Variants in CAMTA1 observed in about 807,000 individuals in gnomAD.
CAMTA1 encodes the protein calmodulin-binding transcription activator 1.
Under a neutral mutation model 170.9 loss-of-function variants are expected in CAMTA1, and 27 were observed. The observed-to-expected ratio is 0.16, with a 90% CI of 0.12 to 0.22. The LOEUF (loss-of-function observed/expected upper bound fraction) is 0.22. Ranked by LOEUF, CAMTA1 falls within the 10% of genes least tolerant of loss-of-function variation. The pLI is 1.00. For missense variants in CAMTA1, 1,619 were observed against 2,217.2 expected (o/e 0.73, Z 5.42); for synonymous variants, 833 against 891.5 (o/e 0.93, Z 1.17).
At chr1:7,250,040 G>A (rs1418353439) in intron 5 of CAMTA1, among the ~76,000 whole-genome samples, 1 of 134,760 alleles carries the variant, frequency 7.4e-6, no homozygotes, top group Admixed American at 6.9e-5. Context: ...CCCTCACAGA[G>A]CCTGGCTTCA....
In CAMTA1 at chr1:7,052,680, G is replaced by A. The variant is rs997363133; in HGVS notation, c.235-38624G>A. Among the ~76,000 whole-genome samples, 8 of 152,066 alleles carry A rather than the reference G, an allele frequency of 5.3e-5. No individual in the cohort carries two copies. In the South Asian group the frequency reaches 8.3e-4, roughly 16 times the overall value. ...ATACCTGGTTCTCCTCTTGGGCTGT[G>A]CCCACACCCGCCCAGTACCTGGTTC... On this transcript the variant is annotated intron_variant, in intron 3 of 22. Transcript: ENST00000303635.
intron 5 of CAMTA1, chr1:7,369,139 G>T (rs1479978803): frequency 1.3e-5 from 2 of 152,324 alleles, no homozygotes; most frequent in African/African-American, 2.4e-5. Flanking sequence ...CCTCAGTGAG[G>T]ATGGTCTGAA....
chr1:7,705,887 C>A (rs2149584510), intron 11 of CAMTA1, among the ~76,000 whole-genome samples: 1 of 152,316 alleles, frequency 6.6e-6, no homozygotes, highest in South Asian at 2.1e-4. Context: ...AGAGCACTTT[C>A]CACGCGCAGA....
At position 7,302,771 on chromosome 1, in the gene CAMTA1, G is replaced by A. The variant is rs12028405; in HGVS notation, c.438+53145G>A. ...CCTCTCTCAGGTATTGGGCTTCCCCGCTTGATGCCTTTTCTTTTGTTGGTC... is the reference window on the plus strand; with the variant it reads ...CCTCTCTCAGGTATTGGGCTTCCCCACTTGATGCCTTTTCTTTTGTTGGTC... On this transcript the variant is annotated intron_variant, in intron 5 of 22. Transcript: ENST00000303635. Among the ~76,000 whole-genome samples the A allele has an allele frequency of 1.9e-3, 292 of 152,288 alleles. 6 individuals carry two copies. In the East Asian group the frequency reaches 0.05, roughly 26 times the overall value.
chr1:7,273,527 C>T (rs1204405058), intron 5 of CAMTA1, among the ~76,000 whole-genome samples: 1 of 152,104 alleles, frequency 6.6e-6, no homozygotes, highest in East Asian at 1.9e-4. Context: ...ATAGGGCAAC[C>T]TATAGAGACA....
intron 2 of CAMTA1, among the ~76,000 whole-genome samples, chr1:6,824,448 A>G (rs950496033): frequency 3.9e-5 from 6 of 152,122 alleles, no homozygotes; most frequent in African/African-American, 1.4e-4. Flanking sequence ...CATTTAGAAG[A>G]GTTACATTTT....
intron 5 of CAMTA1, among the ~76,000 whole-genome samples, chr1:7,291,382 C>G (rs1673118430): frequency 1.3e-5 from 2 of 152,114 alleles, no homozygotes; most frequent in African/African-American, 4.8e-5. Context: ...TACGTGAAAA[C>G]AGTGGGCCTC....
In CAMTA1 at chr1:7,421,857, G is replaced by C. The variant is rs550816017; in HGVS notation, c.439-45973G>C. Reference sequence around the variant, plus strand: ...CTCCTGCAGGCCCACGGGGCACTGGGGCATGACCCAGCAGCGCTCACTCCA... The same window carrying C: ...CTCCTGCAGGCCCACGGGGCACTGGCGCATGACCCAGCAGCGCTCACTCCA... On this transcript the variant is annotated intron_variant, in intron 5 of 22. Coordinates refer to ENST00000303635, the MANE Select transcript of CAMTA1 (RefSeq NM_015215.4). Among the ~76,000 whole-genome samples the C allele has an allele frequency of 2.0e-5, 3 of 151,850 alleles. No homozygotes were observed. The South Asian group carries it at 6.3e-4, about 32-fold the overall frequency.
In CAMTA1 at chr1:6,965,544, G is replaced by A. The variant is rs1303173750; in HGVS notation, c.235-125760G>A. On this transcript the variant is annotated intron_variant, in intron 3 of 22. Coordinates refer to ENST00000303635, the MANE Select transcript of CAMTA1 (RefSeq NM_015215.4). This position sits in a 1 kb window ranked among gnomAD's most constrained non-coding sequence, Gnocchi z 4.1. ...TAGCAGCTGAAGCAAGGCGGCTCTA[G>A]ATGGAGGGAGGGGACAGGTTGGTGA... 4.6e-5 allele frequency among the ~76,000 whole-genome samples: 7 copies of A among 152,124 alleles called. No individual in the cohort carries two copies. Among genetic ancestry groups the A allele is most frequent in the Non-Finnish European group, 7.3e-5 (5 of 68,028 alleles).
intron 3 of CAMTA1, among the ~76,000 whole-genome samples, chr1:6,928,706 C>G (rs1464997703): frequency 6.6e-6 from 1 of 152,202 alleles, no homozygotes; most frequent in Non-Finnish European, 1.5e-5. Flanking sequence ...TTCCCCCTAC[C>G]TGGGGTTCCA....
At chr1:7,653,317 A>C (rs528870232) in intron 7 of CAMTA1, among the ~76,000 whole-genome samples, 315 of 152,264 alleles carry the variant, frequency 2.1e-3, no homozygotes, top group Admixed American at 4.4e-3. Flanking sequence ...GCTGGAGTGC[A>C]GTGGCCCGAT....
chr1:7,520,518 C>G (rs1021736040), intron 6 of CAMTA1, among the ~76,000 whole-genome samples: 4 of 151,608 alleles, frequency 2.6e-5, no homozygotes, highest in African/African-American at 7.3e-5. Flanking sequence ...CATGGATCCC[C>G]ACAGGAGGGG....
chr1:7,232,567 C>T (rs72861851), intron 4 of CAMTA1, among the ~76,000 whole-genome samples: 2,065 of 152,146 alleles, frequency 0.014, 59 homozygotes, highest in African/African-American at 0.046. Flanking sequence ...ACATAAGCTC[C>T]CTGAGGACCA....
intron 3 of CAMTA1, among the ~76,000 whole-genome samples, chr1:6,921,996 C>G (rs1009649191): frequency 6.6e-5 from 10 of 152,102 alleles, no homozygotes; most frequent in African/African-American, 9.7e-5. Flanking sequence ...CAGTTGTCAG[C>G]TACTGTATCA....
chr1:7,064,406 TG>T lies in CAMTA1; in HGVS notation c.235-26894del, dbSNP rs1708701881. On this transcript the variant is annotated intron_variant, in intron 3 of 22. Coordinates refer to ENST00000303635, the MANE Select transcript of CAMTA1 (RefSeq NM_015215.4). The surrounding 1 kb of genome is among the most constrained non-coding windows in gnomAD (Gnocchi z 5.4). ...CTCCAAATACCATAGCATTGGGGGT[TG>T]GGGCTTCAACCTATTAATTTTGGGG... 6.6e-6 allele frequency among the ~76,000 whole-genome samples: 1 copy of T among 152,168 alleles called. No homozygotes were observed. Among genetic ancestry groups the T allele is most frequent in the Non-Finnish European group, 1.5e-5 (1 of 68,034 alleles).
At chr1:7,066,023 T>A (rs1032953342) in intron 3 of CAMTA1, among the ~76,000 whole-genome samples, 1 of 152,144 alleles carries the variant, frequency 6.6e-6, no homozygotes, top group African/African-American at 2.4e-5. Flanking sequence ...ACACCAGAAC[T>A]GACTGGCAAC....
At chr1:7,700,459 C>A (rs1252897768) in intron 11 of CAMTA1, among the ~76,000 whole-genome samples, 1 of 152,194 alleles carries the variant, frequency 6.6e-6, no homozygotes, top group Non-Finnish European at 1.5e-5. Flanking sequence ...TATACAGAAA[C>A]ATCTGATTTC....
chr1:7,512,740 C>T (rs1481224514), intron 6 of CAMTA1, among the ~76,000 whole-genome samples: 2 of 152,220 alleles, frequency 1.3e-5, no homozygotes, highest in Non-Finnish European at 2.9e-5. Flanking sequence ...ATACTAGCTG[C>T]TGAACAGAAG....
At chr1:7,756,207 TCTCC>T (rs1451112046) in intron 22 of CAMTA1, among the ~76,000 whole-genome samples, 1 of 151,970 alleles carries the variant, frequency 6.6e-6, no homozygotes, top group African/African-American at 2.4e-5. Flanking sequence ...TTTCTAAATC[TCTCC>T]CTCCCTGGTG....
Sources: gnomAD v4.1 joint callset for allele counts (sites outside exome capture counted in the v4.1 genomes callset) on GRCh38, gnomAD v4.1.1 for gene constraint, Gnocchi (gnomAD v3.1) non-coding constraint, MANE v1.5 for transcripts, NCBI Gene and HGNC (gene_info 2026-07-23, HGNC 2026-07-21) for gene names.